The following DNAH14 variants were observed in gnomAD, a reference collection of about 807,000 sequenced individuals.
DNAH14 encodes the protein axonemal beta dynein heavy chain 14.
Under a neutral mutation model 520.9 loss-of-function variants are expected in DNAH14, and 478 were observed. The observed-to-expected ratio is 0.92, with a 90% confidence interval of 0.85 to 0.99. The LOEUF (loss-of-function observed/expected upper bound fraction) is 0.99, where lower values mean the gene tolerates loss of function less well. DNAH14 is among the 50% of genes least tolerant of loss of function. The probability of loss-of-function intolerance (pLI) is 0.00; values close to 1 mark genes in which losing one functional copy is unlikely to be tolerated. For synonymous variants in DNAH14, 1,581 were observed against 1,757.2 expected (o/e 0.90, Z 2.51); for missense variants, 4,831 against 5,234.5 (o/e 0.92, Z 2.38).
rs1465007406 is a variant in DNAH14, at chr1:225,305,084, A to G, written c.9000A>G (p.Thr3000=). 1 of 1,530,262 alleles carries G rather than the reference A, an allele frequency of 6.5e-7. No homozygotes were observed. Among genetic ancestry groups the G allele is most frequent in the African/African-American group, 1.4e-5 (1 of 71,482 alleles). The allele number at this position is 1,530,262 out of a possible 1,614,324, so 94.8% of individuals were successfully genotyped here. Reference sequence around the variant, plus strand: ...GGGCACGAGAGGAAGAGATGCAAACAAAGAGGTAAGACTTTGAGAACAAAT... The same window carrying G: ...GGGCACGAGAGGAAGAGATGCAAACGAAGAGGTAAGACTTTGAGAACAAAT... ...ILRAREEEMQ[T]KRDRFHMGLS... is the part of the protein sequence containing the mutation. Residue 3000 remains threonine (T), a synonymous_variant, in exon 58 of 86, where the codon ACA becomes ACG. Coordinates refer to ENST00000682510, the MANE Select transcript of DNAH14 (RefSeq NM_001367479.1).
At chr1:225,071,028 C>T (rs2148489870) in intron 17 of DNAH14, among the ~76,000 whole-genome samples, 1 of 152,208 alleles carries the variant, frequency 6.6e-6, no homozygotes, top group South Asian at 2.1e-4. Flanking sequence ...TTTCCATTTG[C>T]TTCGTAGATT....
At chr1:224,948,208 ATATAT>A (rs1239451917) in intron 1 of DNAH14, among the ~76,000 whole-genome samples, 4 of 151,836 alleles carry the variant, frequency 2.6e-5, no homozygotes, top group South Asian at 4.2e-4. Context: ...TTTTTGCAAT[ATATAT>A]TATATGTTTA....
At chr1:225,100,909 A>G in intron 23 of DNAH14, 25 bp downstream of exon 23, 1 of 1,443,868 alleles carries the variant, frequency 6.9e-7, no homozygotes, top group Non-Finnish European at 9.2e-7. Flanking sequence ...ATTCTAAAGC[A>G]GTGAATCATT....
intron 66 of DNAH14, among the ~76,000 whole-genome samples, chr1:225,335,041 C>A (rs992073814): frequency 6.7e-6 from 1 of 148,444 alleles, no homozygotes; most frequent in Non-Finnish European, 1.5e-5. Context: ...CATATATACA[C>A]ATATATACAT....
In DNAH14 at chr1:225,026,444, T is replaced by C. The variant is rs541177183; in HGVS notation, c.1358+2579T>C. ...GTTAATTTTTGTAGATGGTATGAGA[T>C]AGGGTCCAAATTTCTTCTTTTGTAT... On this transcript the variant is annotated intron_variant, in intron 11 of 85. Transcript: ENST00000682510. 6.6e-5 allele frequency among the ~76,000 whole-genome samples: 10 copies of C among 152,084 alleles called. No homozygotes were observed. The South Asian group carries it at 1.4e-3, about 22-fold the overall frequency.
chr1:225,210,008 AC>A (rs2088146098), intron 41 of DNAH14, among the ~76,000 whole-genome samples: 1 of 152,124 alleles, frequency 6.6e-6, no homozygotes, highest in Non-Finnish European at 1.5e-5. Context: ...CAACCTGCAG[AC>A]CAGGAGATTC....
chr1:225,252,607 ATTAC>A (rs2092597220), intron 44 of DNAH14, among the ~76,000 whole-genome samples, 190 bp downstream of exon 44: 1 of 152,126 alleles, frequency 6.6e-6, no homozygotes, highest in Non-Finnish European at 1.5e-5. Flanking sequence ...ACCTTTGAAT[ATTAC>A]TTTCTGAGAA....
chr1:225,325,431 G>A (rs542760054), intron 64 of DNAH14, among the ~76,000 whole-genome samples: 2 of 150,766 alleles, frequency 1.3e-5, no homozygotes, highest in East Asian at 3.9e-4. Context: ...ATTGCAGTGT[G>A]CCGAGATTGA....
At chr1:225,118,886 C>CAAAAAAAAAA (rs35262847) in intron 25 of DNAH14, among the ~76,000 whole-genome samples, 1 of 74,640 alleles carries the variant, frequency 1.3e-5, no homozygotes. Context: ...CTCTCTGTCT[C>CAAAAAAAAAA]AAAAAAAAAA....
intron 57 of DNAH14, among the ~76,000 whole-genome samples, chr1:225,303,804 G>A (rs2094185109): frequency 6.6e-6 from 1 of 152,158 alleles, no homozygotes; most frequent in South Asian, 2.1e-4. Context: ...AACCTATTCT[G>A]GAGTGACTAA....
In DNAH14 at chr1:225,097,164, C is replaced by T. The variant is rs1558944727; in HGVS notation, c.3620C>T (p.Thr1207Ile). The change falls in exon 22 of 86, where the codon ACC (threonine) becomes ATC (isoleucine). Residue 1207 changes from threonine to isoleucine, a missense_variant. Transcript: ENST00000682510. ...CAAAACTTGACTCTCTTCTCTTACA[C>T]CCTTGAGGAATGGATGAATTGTCAA... ...WDQNLTLFSY[T>I]LEEWMNCQRN... 6.4e-7 allele frequency: 1 copy of T among 1,550,410 alleles called. No individual in the cohort carries two copies. The highest frequency in any genetic ancestry group is 2.5e-5 in the East Asian group (1 of 40,720).
rs1291868999 is a variant in DNAH14, at chr1:225,358,351, C to T, written c.11620-145C>T. 8 of 695,460 alleles carry T rather than the reference C, an allele frequency of 1.2e-5. No individual in the cohort carries two copies. The Admixed American group carries it at 1.6e-4, about 14-fold the overall frequency. The allele number at this position is 695,460 out of a possible 1,614,324, so 43.1% of individuals were successfully genotyped here. On this transcript the variant is annotated intron_variant, in intron 73 of 85. Transcript: ENST00000682510. The stretch of plus-strand genomic sequence containing the variant: ...TGGCGGTTTCTCCTCCATGCATAGT[C>T]TGTCCCATTAAGCTTCCTCAACAGG...
chr1:225,114,251 T>C (rs1267896502), intron 23 of DNAH14, among the ~76,000 whole-genome samples: 1 of 152,142 alleles, frequency 6.6e-6, no homozygotes, highest in Non-Finnish European at 1.5e-5. Flanking sequence ...CAGGTTCCCT[T>C]CTGACCCAGA....
At position 225,144,378 on chromosome 1, in the gene DNAH14, T is replaced by C; in HGVS notation, c.4509-19T>C. On this transcript the variant is annotated intron_variant, in intron 28 of 85. Coordinates refer to ENST00000682510, the MANE Select transcript of DNAH14 (RefSeq NM_001367479.1). ...ATAATTTAACCAAATAATATGAACA[T>C]TTAAAATTTGGCTTTCAGACATTTG... 3.3e-6 allele frequency: 5 copies of C among 1,507,950 alleles called. No individual in the cohort carries two copies. The highest frequency in any genetic ancestry group is 4.5e-6 in the Non-Finnish European group (5 of 1,109,550). The allele number at this position is 1,507,950 out of a possible 1,614,324, so 93.4% of individuals were successfully genotyped here. A position where few individuals can be genotyped will look rare whatever the true frequency, so the allele number is the denominator to read the frequency against.
intron 8 of DNAH14, among the ~76,000 whole-genome samples, chr1:224,978,606 A>AT (rs1160901829): frequency 6.6e-6 from 1 of 152,098 alleles, no homozygotes; most frequent in Non-Finnish European, 1.5e-5. Context: ...AATTCATTAC[A>AT]TTTTTTCAAA....
At chr1:225,100,466 G>A (rs893180239) in intron 22 of DNAH14, among the ~76,000 whole-genome samples, 1 of 152,062 alleles carries the variant, frequency 6.6e-6, no homozygotes, top group African/African-American at 2.4e-5. Context: ...CTATACATCT[G>A]TCTTCCACTG....
Position 225,351,719 on chromosome 1 carries a change from T to G in DNAH14, c.11369T>G (p.Val3790Gly). Residue 3790 changes from valine to glycine, a missense_variant, in exon 72 of 86, where the codon GTC (valine) becomes GGC (glycine). Coordinates refer to ENST00000682510, the MANE Select transcript of DNAH14 (RefSeq NM_001367479.1). ...SDSRWRQCQY[V>G]STHLEPFSLL... is the part of the protein sequence containing the mutation. ...TCCAGGTGGAGGCAGTGCCAATATGTCAGCACTCACCTGGAACCATTTTCA... is the reference window on the plus strand; with the variant it reads ...TCCAGGTGGAGGCAGTGCCAATATGGCAGCACTCACCTGGAACCATTTTCA... 6.4e-7 allele frequency: 1 copy of G among 1,551,316 alleles called. No homozygotes were observed. Among genetic ancestry groups the G allele is most frequent in the Non-Finnish European group, 8.7e-7 (1 of 1,146,738 alleles).
chr1:225,229,263 G>A (rs1441074744), intron 41 of DNAH14, among the ~76,000 whole-genome samples: 1 of 152,086 alleles, frequency 6.6e-6, no homozygotes, highest in Non-Finnish European at 1.5e-5. Context: ...CTTTGGGACA[G>A]ACTCAGCAAT....
At chr1:225,257,130 G>A (rs1484422761) in intron 44 of DNAH14, among the ~76,000 whole-genome samples, 2 of 152,170 alleles carry the variant, frequency 1.3e-5, no homozygotes, top group African/African-American at 4.8e-5. Context: ...ATGTATTGAG[G>A]ACCTAAAAGT....
Sources: gnomAD v4.1 joint callset for allele counts (sites outside exome capture counted in the v4.1 genomes callset) on GRCh38, gnomAD v4.1.1 for gene constraint, MANE v1.5 for transcripts, NCBI Gene and HGNC (gene_info 2026-07-23, HGNC 2026-07-21) for gene names.